HBS1L: variants seen among roughly 807,000 people sequenced by gnomAD.
HBS1L encodes the protein HBS1-like protein.
A neutral mutation model predicts 88.9 loss-of-function variants in HBS1L; 55 were observed. The observed-to-expected ratio is 0.62, with a 90% CI of 0.50 to 0.77. The LOEUF (loss-of-function observed/expected upper bound fraction) is 0.77, where lower values mean the gene tolerates loss of function less well. Among genes scored for constraint, HBS1L ranks in the 30% least tolerant of loss-of-function variants. The pLI is 0.00. For synonymous variants in HBS1L, 267 were observed against 288.5 expected, an observed-to-expected ratio of 0.93 and a Z score of 0.76; for missense variants, 741 against 829.3, an observed-to-expected ratio of 0.89 and a Z score of 1.31.
chr6:135,041,956 T>C (rs759628490), intron 3 of HBS1L, 45 bp downstream of exon 3: 36 of 1,573,998 alleles, frequency 2.3e-5, no homozygotes, highest in Middle Eastern at 1.9e-4. Context: ...GTGTATTTGG[T>C]CATTAATCAC....
chr6:134,987,656 T>C lies in HBS1L; in HGVS notation c.1219A>G (p.Lys407Glu). 6.2e-7 allele frequency: 1 copy of C among 1,600,610 alleles called. No individual in the cohort carries two copies. The highest frequency in any genetic ancestry group is 8.5e-7 in the Non-Finnish European group (1 of 1,174,016). The stretch of plus-strand genomic sequence containing the variant: ...AAGCCCTTAAATACCTGATCCATTT[T>C]ATTAACTGCAACTGCAAGCTGCGTC... ...GVTQLAVAVN[K>E]MDQVNWQQER... The change falls in exon 9 of 18, where the codon AAA becomes GAA. Residue 407 changes from lysine to glutamate, a missense_variant. Lys to Glu is a moderately conservative substitution (Grantham distance 56, BLOSUM62 1). Around this residue, in one of 3 missense-constraint regions of HBS1L, gnomAD observed 556 missense variants for 598.4 expected, o/e 0.93. Coordinates refer to ENST00000367837, the MANE Select transcript of HBS1L (RefSeq NM_006620.4).
intron 8 of HBS1L, among the ~76,000 whole-genome samples, chr6:134,992,298 C>T (rs1775162493): frequency 3.9e-5 from 6 of 152,102 alleles, no homozygotes; most frequent in Admixed American, 2.6e-4. Context: ...GGACCGCATA[C>T]GTGATGGTGG....
At chr6:135,036,791 G>C (rs1198955957) in intron 4 of HBS1L, 5 of 1,551,684 alleles carry the variant, frequency 3.2e-6, no homozygotes, top group Non-Finnish European at 4.4e-6. Flanking sequence ...CTAGCAGCAA[G>C]GGCCTTGGTC....
chr6:134,997,484 A>G lies in HBS1L; in HGVS notation c.712T>C (p.Ser238Pro). The G allele has an allele frequency of 6.2e-7, 1 of 1,613,886 alleles. No homozygotes were observed. Reference sequence around the variant, plus strand: ...TCTATTTGCTGCCTCAGCTTGCCAGACTTTTTCACCGGTGCTGGGGTTGAA... The same window carrying G: ...TCTATTTGCTGCCTCAGCTTGCCAGGCTTTTTCACCGGTGCTGGGGTTGAA... Reference protein sequence around the residue: ...QSSTPAPVKKSGKLRQQIDVK... With the variant: ...QSSTPAPVKKPGKLRQQIDVK... The change falls in exon 6 of 18, where the codon TCT becomes CCT. Residue 238 changes from serine (S) to proline (P), a missense_variant. Physicochemically the swap from Ser to Pro is moderately conservative, Grantham distance 74. This residue lies in a region of HBS1L where 556 missense variants were observed against 598.4 expected (regional missense o/e 0.93). Coordinates refer to ENST00000367837, the MANE Select transcript of HBS1L (RefSeq NM_006620.4).
intron 5 of HBS1L, among the ~76,000 whole-genome samples, chr6:135,000,428 A>G (rs980257047): frequency 6.6e-6 from 1 of 151,962 alleles, no homozygotes; most frequent in African/African-American, 2.4e-5. Flanking sequence ...CTAAAAGTAA[A>G]CTATACATGA....
At chr6:134,997,082 CT>C (rs1775309778) in intron 6 of HBS1L, 140 bp from the exon 7 acceptor site, 1 of 704,808 alleles carries the variant, frequency 1.4e-6, no homozygotes, top group African/African-American at 1.8e-5. Context: ...GTTAAAACAT[CT>C]AATAGAAAAA....
At chr6:135,043,317 A>G (rs758098974) in intron 2 of HBS1L, among the ~76,000 whole-genome samples, 6 of 152,362 alleles carry the variant, frequency 3.9e-5, no homozygotes, top group Admixed American at 2.0e-4. Flanking sequence ...TAGAGGTATT[A>G]TCTAGCTTTC....
intron 9 of HBS1L, 86 bp from the exon 10 acceptor site, chr6:134,986,896 A>T: frequency 4.1e-6 from 2 of 487,246 alleles, no homozygotes; most frequent in Non-Finnish European, 6.9e-6. Context: ...TATAATCAAG[A>T]CTATATAAAA....
chr6:134,977,246 G>A lies in HBS1L; in HGVS notation c.1797+1433C>T, dbSNP rs563762061. ...TCATGCTTATTTTTAAGAAACTACA[G>A]TAGTCAGGGAGACAGTATTACTATT... On this transcript the variant is annotated intron_variant, in intron 15 of 17. Transcript: ENST00000367837. 1.8e-3 allele frequency among the ~76,000 whole-genome samples: 267 copies of A among 152,106 alleles called. 3 individuals carry two copies. In the Middle Eastern group the frequency reaches 0.034, roughly 19 times the overall value.
intron 16 of HBS1L, 68 bp from the exon 17 acceptor site, chr6:134,966,541 A>C (rs370185393): frequency 1.9e-6 from 2 of 1,043,212 alleles, no homozygotes; most frequent in East Asian, 5.2e-5. Context: ...TAACAACTTG[A>C]AAAACAAATA....
Position 135,005,401 on chromosome 6 carries a change from G to A in HBS1L, c.431-2559C>T, listed in dbSNP as rs187965701. On this transcript the variant is annotated intron_variant, in intron 4 of 17. Coordinates refer to ENST00000367837, the MANE Select transcript of HBS1L (RefSeq NM_006620.4). ...CAGCCACACACTTCAGGGCAGAAACGGCAATGTGTCGATTACAGGGAACTG... is the reference window on the plus strand; with the variant it reads ...CAGCCACACACTTCAGGGCAGAAACAGCAATGTGTCGATTACAGGGAACTG... Among the ~76,000 whole-genome samples the A allele has an allele frequency of 1.8e-4, 27 of 152,306 alleles. No individual in the cohort carries two copies. The East Asian group carries it at 3.5e-3, about 20-fold the overall frequency.
At chr6:134,991,045 A>G (rs1775120893) in intron 8 of HBS1L, among the ~76,000 whole-genome samples, 1 of 147,488 alleles carries the variant, frequency 6.8e-6, no homozygotes, top group Non-Finnish European at 1.5e-5. Context: ...AAAAAAAAAA[A>G]GAAAAAGACT....
intron 4 of HBS1L, among the ~76,000 whole-genome samples, chr6:135,024,554 T>C (rs1776172595): frequency 6.7e-6 from 1 of 149,850 alleles, no homozygotes; most frequent in Admixed American, 6.6e-5. Flanking sequence ...GGGGTGTTTT[T>C]TTTTTTTCTT....
intron 3 of HBS1L, among the ~76,000 whole-genome samples, chr6:135,041,317 T>C (rs1776728705): frequency 6.7e-6 from 1 of 150,254 alleles, no homozygotes; most frequent in African/African-American, 2.4e-5. Flanking sequence ...ATTGAAACTG[T>C]AACAAAATAG....
chr6:135,002,497 T>C (rs1255566909), intron 5 of HBS1L: 1 of 283,082 alleles, frequency 3.5e-6, no homozygotes, highest in East Asian at 6.0e-5. Flanking sequence ...AGCTATAAAA[T>C]ATTTATGTAA....
rs527583768 is a variant in HBS1L, at chr6:134,968,100, T to C, written c.1898+1138A>G. Among the ~76,000 whole-genome samples, 23 of 152,248 alleles carry C rather than the reference T, an allele frequency of 1.5e-4. No homozygotes were observed. The South Asian group carries it at 4.4e-3, about 29-fold the overall frequency. On this transcript the variant is annotated intron_variant, in intron 16 of 17. Coordinates refer to ENST00000367837, the MANE Select transcript of HBS1L (RefSeq NM_006620.4). ...CCCACTAACCACATTTGGCCTCTTC[T>C]GCAGGTGTAAAAGATGAGGAACACC...
intron 4 of HBS1L, chr6:135,036,346 T>C: frequency 8.2e-7 from 1 of 1,221,570 alleles, no homozygotes; most frequent in Non-Finnish European, 1.0e-6. Context: ...ATATACTCAG[T>C]ATAGGTTACC....
rs1774973590 is a variant in HBS1L, at chr6:134,986,168, A to C, written c.1321T>G (p.Phe441Val). 2 of 1,525,380 alleles carry C rather than the reference A, an allele frequency of 1.3e-6. No homozygotes were observed. The highest frequency in any genetic ancestry group is 2.3e-5 in the South Asian group (2 of 87,882). 94.5% of individuals were successfully genotyped at this position (1,525,380 alleles called of 1,614,324 possible). A position where few individuals can be genotyped will look rare whatever the true frequency, so the allele number is the denominator to read the frequency against. ...QAGFKESDVG[F>V]IPTSGLSGEN... ...CCACTGAGACCACTTGTAGGAATAA[A>C]ACCTACATCACTCTCCTATTAAAAA... Residue 441 changes from phenylalanine (F) to valine (V), a missense_variant, in exon 11 of 18, where the codon TTT becomes GTT. Coordinates refer to ENST00000367837, the MANE Select transcript of HBS1L (RefSeq NM_006620.4).
At chr6:135,005,068 C>A (rs139675309) in intron 4 of HBS1L, among the ~76,000 whole-genome samples, 2 of 152,218 alleles carry the variant, frequency 1.3e-5, no homozygotes, top group African/African-American at 4.8e-5. Context: ...GGGCTCTGGG[C>A]CAGTCAACTG....
Sources: allele counts gnomAD v4.1 joint callset (sites outside exome capture counted in the v4.1 genomes callset), GRCh38; gene constraint gnomAD v4.1.1; regional missense constraint gnomAD v4.1.1; transcripts MANE v1.5; gene names NCBI Gene and HGNC (gene_info 2026-07-23, HGNC 2026-07-21).